KLHL6: variants seen among roughly 807,000 people sequenced by gnomAD.
KLHL6 encodes the protein kelch like family member 6, also known as kelch-like protein 6.
A neutral mutation model predicts 58.6 loss-of-function variants in KLHL6; 41 were observed. The observed-to-expected ratio is 0.70, with a 90% CI of 0.55 to 0.91. The LOEUF is 0.91. Among genes scored for constraint, KLHL6 ranks in the 40% least tolerant of loss-of-function variants. The probability of loss-of-function intolerance (pLI) is 0.00; values close to 1 mark genes in which losing one functional copy is unlikely to be tolerated. For missense variants in KLHL6, 714 were observed against 805.6 expected, an observed-to-expected ratio of 0.89 and a Z score of 1.38; for synonymous variants, 338 against 322.7, an observed-to-expected ratio of 1.05 and a Z score of -0.51.
At chr3:183,542,300 T>C (rs1216857817) in intron 1 of KLHL6, among the ~76,000 whole-genome samples, 1 of 152,212 alleles carries the variant, frequency 6.6e-6, no homozygotes, top group African/African-American at 2.4e-5. Context: ...TCCCACTATC[T>C]GTAAGTCATG....
In KLHL6 at chr3:183,490,642, TAAA is replaced by T. The variant is rs1717519450; in HGVS notation, c.*1282_*1284del. On this transcript the variant is annotated 3_prime_UTR_variant, in exon 7 of 7. Coordinates refer to ENST00000341319, the MANE Select transcript of KLHL6 (RefSeq NM_130446.4). The stretch of plus-strand genomic sequence containing the variant: ...CAAGATGGTGAAACCCCGTCTCTAC[TAAA>T]ACTACAAAAATTAGCCAGGCGCGGT... The T allele has an allele frequency of 6.6e-6, 1 of 152,046 alleles. No homozygotes were observed. The allele number at this position is 152,046 out of a possible 1,614,324, so 9.4% of individuals were successfully genotyped here.
At chr3:183,555,252 A>G (rs1485439374) in intron 1 of KLHL6, 109 bp downstream of exon 1, 27 of 816,378 alleles carry the variant, frequency 3.3e-5, no homozygotes, top group Non-Finnish European at 5.4e-5. Context: ...CTTAATATAT[A>G]TGTAAACCAT....
chr3:183,534,106 A>AAAGTACTTTACTTTTAAAGTACTTTAT (rs2108688667), intron 1 of KLHL6, among the ~76,000 whole-genome samples: 1 of 121,900 alleles, frequency 8.2e-6, no homozygotes, highest in Non-Finnish European at 1.7e-5. Context: ...AAGTACTTTA[A>AAAGTACTTTACTTTTAAAGTACTTTAT]AAGTACTTTA....
chr3:183,494,262 A>G lies in KLHL6; in HGVS notation c.1167T>C (p.His389=), dbSNP rs747686201. ...TCGAAGAATTATATTTCCAAACATC[A>G]TGCTGTGTTTCTTTGCCACCTGCAA... ...VYISGGKETQ[H]DVWKYNSSIN... Residue 389 remains histidine, a synonymous_variant, in exon 5 of 7, where the codon CAT becomes CAC. Coordinates refer to ENST00000341319, the MANE Select transcript of KLHL6 (RefSeq NM_130446.4). The G allele has an allele frequency of 1.5e-5, 25 of 1,613,794 alleles. No homozygotes were observed. Among genetic ancestry groups the G allele is most frequent in the Non-Finnish European group, 2.1e-5 (25 of 1,179,756 alleles).
At chr3:183,525,944 G>C (rs1458717258) in intron 2 of KLHL6, among the ~76,000 whole-genome samples, 1 of 152,234 alleles carries the variant, frequency 6.6e-6, no homozygotes, top group Non-Finnish European at 1.5e-5. Flanking sequence ...ACTGCAAACA[G>C]GCAGTGTCAC....
intron 1 of KLHL6, 40 bp downstream of exon 1, chr3:183,555,321 A>G (rs1193584950): frequency 6.3e-7 from 1 of 1,589,404 alleles, no homozygotes; most frequent in Admixed American, 1.7e-5. Context: ...TCTTCCTTGC[A>G]ACTTGCACCC....
intron 1 of KLHL6, among the ~76,000 whole-genome samples, chr3:183,532,326 T>C (rs1018746188): frequency 1.3e-5 from 2 of 152,220 alleles, no homozygotes; most frequent in Non-Finnish European, 2.9e-5. Flanking sequence ...AACCAGATCA[T>C]GCTAGCAACT....
chr3:183,520,048 C>T (rs1468971885), intron 2 of KLHL6, among the ~76,000 whole-genome samples: 3 of 152,024 alleles, frequency 2.0e-5, no homozygotes, highest in Non-Finnish European at 4.4e-5. Context: ...GCAGGCAAAA[C>T]TAACCCATGG....
At chr3:183,538,922 A>T (rs1712451682) in intron 1 of KLHL6, among the ~76,000 whole-genome samples, 1 of 152,174 alleles carries the variant, frequency 6.6e-6, no homozygotes, top group African/African-American at 2.4e-5. Context: ...CAAGAGGTGG[A>T]TCTCAAAATG....
intron 2 of KLHL6, among the ~76,000 whole-genome samples, chr3:183,523,669 T>A (rs567627306): frequency 1.3e-5 from 2 of 150,104 alleles, no homozygotes; most frequent in Non-Finnish European, 3.0e-5. Context: ...TACTCTTTCA[T>A]GAGTTGGTTT....
At chr3:183,501,041 G>T (rs756543368) in intron 3 of KLHL6, among the ~76,000 whole-genome samples, 1 of 152,174 alleles carries the variant, frequency 6.6e-6, no homozygotes, top group African/African-American at 2.4e-5. Flanking sequence ...AGTGAGTTCC[G>T]CATCCTCCGT....
At chr3:183,497,312 T>C (rs1717741152) in intron 4 of KLHL6, among the ~76,000 whole-genome samples, 1 of 152,190 alleles carries the variant, frequency 6.6e-6, no homozygotes, top group Non-Finnish European at 1.5e-5. Flanking sequence ...CTCAGGAGGC[T>C]GAGGCAGGAG....
intron 2 of KLHL6, among the ~76,000 whole-genome samples, chr3:183,527,506 A>G (rs1467329467): frequency 1.3e-5 from 2 of 152,200 alleles, no homozygotes. Context: ...CAGAAGAGCC[A>G]CTGGCTCCAA....
chr3:183,536,342 G>C (rs1335249846), intron 1 of KLHL6, among the ~76,000 whole-genome samples: 1 of 152,246 alleles, frequency 6.6e-6, no homozygotes, highest in Non-Finnish European at 1.5e-5. Flanking sequence ...TGACCACACT[G>C]ACTGTCTTTG....
rs773405975 is a variant in KLHL6, at chr3:183,499,815, G to A, written c.922C>T (p.Arg308Cys). 38 of 1,578,064 alleles carry A rather than the reference G, an allele frequency of 2.4e-5. No individual in the cohort carries two copies. The highest frequency in any genetic ancestry group is 3.5e-5 in the South Asian group (3 of 85,330). The change falls in exon 4 of 7, where the codon CGC becomes TGC. Residue 308 changes from arginine to cysteine, a missense_variant. Around this residue, in one of 2 missense-constraint regions of KLHL6, gnomAD observed 510 missense variants for 629.7 expected, o/e 0.81. Transcript: ENST00000341319. This position sits in a 1 kb window ranked among gnomAD's most constrained non-coding sequence, Gnocchi z 4.6. Reference protein sequence around the residue: ...HLSGNEIISERTKPRMHEFQS... With the variant: ...HLSGNEIISECTKPRMHEFQS... ...AACTCATGCATCCTGGGCTTGGTGC[G>A]TTCCGAAATGATCTGGAAATCGATG...
intron 2 of KLHL6, among the ~76,000 whole-genome samples, chr3:183,524,299 C>T (rs1186143813): frequency 6.6e-6 from 1 of 152,162 alleles, no homozygotes; most frequent in African/African-American, 2.4e-5. Flanking sequence ...TACTGGGTGG[C>T]ATTCATTTCA....
At chr3:183,507,852 C>G (rs375460203) in intron 3 of KLHL6, among the ~76,000 whole-genome samples, 42 of 152,246 alleles carry the variant, frequency 2.8e-4, no homozygotes, top group African/African-American at 9.4e-4. Flanking sequence ...TCACCTAACG[C>G]GCTCAGTAAC....
rs565668713 is a variant in KLHL6, at chr3:183,555,461, G to C, written c.193C>G (p.Leu65Val). ...TCTGTCAGAGCGTTTTCCATTCGCAGGGTTTCCAGGCCATTCTGAAGAATT... is the reference window on the plus strand; with the variant it reads ...TCTGTCAGAGCGTTTTCCATTCGCACGGTTTCCAGGCCATTCTGAAGAATT... ...SLILQNGLET[L>V]RMENALTDVI... Residue 65 changes from leucine to valine, a missense_variant, in exon 1 of 7, where the codon CTG becomes GTG. Physicochemically the swap from Leu to Val is conservative, Grantham distance 32 (BLOSUM62 1). This residue lies in a region of KLHL6 where 204 missense variants were observed against 175.9 expected (regional missense o/e 1.16). Transcript: ENST00000341319. 1.2e-6 allele frequency: 2 copies of C among 1,614,136 alleles called. No homozygotes were observed. Among genetic ancestry groups the C allele is most frequent in the African/African-American group, 1.3e-5 (1 of 75,028 alleles).
chr3:183,540,218 T>C (rs374582344), intron 1 of KLHL6, among the ~76,000 whole-genome samples: 2 of 152,160 alleles, frequency 1.3e-5, no homozygotes, highest in South Asian at 2.1e-4. Context: ...CTCTTCCCAC[T>C]AGAATTGCTG....
Sources: gnomAD v4.1 joint callset for allele counts (sites outside exome capture counted in the v4.1 genomes callset) on GRCh38, gnomAD v4.1.1 for gene constraint, gnomAD v4.1.1 regional missense constraint, Gnocchi (gnomAD v3.1) non-coding constraint, MANE v1.5 for transcripts, NCBI Gene and HGNC (gene_info 2026-07-23, HGNC 2026-07-21) for gene names.